TDRD9: variants seen among roughly 807,000 people sequenced by gnomAD.
The protein encoded by TDRD9 is ATP-dependent RNA helicase TDRD9.
In TDRD9, 124 loss-of-function variants were observed where a neutral mutation model predicts 172.6. That is an observed-to-expected ratio of 0.72 (90% confidence interval 0.62 to 0.83). The LOEUF (loss-of-function observed/expected upper bound fraction) is 0.83. Among genes scored for constraint, TDRD9 ranks in the 40% least tolerant of loss-of-function variants. The pLI, the probability that TDRD9 is intolerant of heterozygous loss-of-function variation, is 0.00. For synonymous variants in TDRD9, 619 were observed against 617.1 expected (o/e 1.00, Z -0.05); for missense variants, 1,479 against 1,714.1 (o/e 0.86, Z 2.42).
At chr14:103,965,310 G>T in intron 3 of TDRD9, 23 bp from the exon 4 acceptor site, 1 of 1,546,696 alleles carries the variant, frequency 6.5e-7, no homozygotes, top group East Asian at 2.4e-5. Flanking sequence ...TGCTGATTTT[G>T]AAAGAATTTT....
chr14:103,945,742 G>A (rs1041297323), intron 1 of TDRD9, among the ~76,000 whole-genome samples: 2 of 152,230 alleles, frequency 1.3e-5, no homozygotes, highest in Middle Eastern at 3.4e-3. Flanking sequence ...AAATAGGACC[G>A]TATCATGCAT....
At chr14:104,049,957 A>T in intron 35 of TDRD9, 1 of 376,134 alleles carries the variant, frequency 2.7e-6, no homozygotes, top group African/African-American at 2.1e-5. Flanking sequence ...TCTGGATTGA[A>T]CCTTCCTGCT....
chr14:104,011,391 A>G (rs752829488), intron 20 of TDRD9, among the ~76,000 whole-genome samples: 2 of 152,192 alleles, frequency 1.3e-5, no homozygotes, highest in Non-Finnish European at 2.9e-5. Flanking sequence ...AGATGTTGTT[A>G]TTGATACCAC....
chr14:104,038,342 G>A (rs2035512951), intron 32 of TDRD9, among the ~76,000 whole-genome samples: 1 of 152,230 alleles, frequency 6.6e-6, no homozygotes, highest in Admixed American at 6.5e-5. Flanking sequence ...GACTCTCACT[G>A]TTTAACTGGG....
chr14:103,946,965 A>T (rs889987329), intron 1 of TDRD9, among the ~76,000 whole-genome samples: 6 of 152,256 alleles, frequency 3.9e-5, no homozygotes, highest in African/African-American at 1.4e-4. Flanking sequence ...GTACTACACG[A>T]TGTGATCTAC....
intron 22 of TDRD9, among the ~76,000 whole-genome samples, 185 bp downstream of exon 22, chr14:104,016,273 A>G (rs953724143): frequency 6.6e-6 from 1 of 152,108 alleles, no homozygotes; most frequent in Non-Finnish European, 1.5e-5. Context: ...CTTGTCCCTC[A>G]GTCTCTTGCC....
intron 20 of TDRD9, among the ~76,000 whole-genome samples, chr14:104,012,748 AT>A (rs879679660): frequency 6.6e-6 from 1 of 151,574 alleles, no homozygotes; most frequent in Non-Finnish European, 1.5e-5. Context: ...GTTTATTTTT[AT>A]TTTTTAGAGA....
chr14:104,050,943 A>G (rs1367517369), intron 35 of TDRD9, among the ~76,000 whole-genome samples: 4 of 152,252 alleles, frequency 2.6e-5, no homozygotes, highest in Admixed American at 6.5e-5. Context: ...AAAGCTTGCC[A>G]TAGTATTAAT....
intron 1 of TDRD9, among the ~76,000 whole-genome samples, chr14:103,949,939 G>A (rs1168641818): frequency 6.6e-6 from 1 of 151,864 alleles, no homozygotes; most frequent in Non-Finnish European, 1.5e-5. Context: ...TCCTCCCAAA[G>A]TGCTGGGATT....
At position 104,024,574 on chromosome 14, in the gene TDRD9, A is replaced by G. The variant is rs776416055; in HGVS notation, c.2612A>G (p.Asn871Ser). The G allele has an allele frequency of 2.5e-6, 4 of 1,598,792 alleles. No individual in the cohort carries two copies. The highest frequency in any genetic ancestry group is 1.1e-5 in the South Asian group (1 of 88,644). The change falls in exon 25 of 36, where the codon AAT (asparagine) becomes AGT (serine). Residue 871 changes from asparagine (N) to serine (S), a missense_variant. Transcript: ENST00000409874. ...NVSKLRNTRV[N>S]VDFQKQTVDP... The stretch of plus-strand genomic sequence containing the variant: ...TAAAAATTCGTATTATGTAGGGTGA[A>G]TGTGGACTTCCAGAAGCAGACGGTA...
At chr14:103,993,039 C>T (rs1166977337) in intron 9 of TDRD9, among the ~76,000 whole-genome samples, 4 of 151,892 alleles carry the variant, frequency 2.6e-5, no homozygotes, top group Non-Finnish European at 4.4e-5. Flanking sequence ...GGTGTGACCC[C>T]GATCACTGCA....
chr14:104,042,973 G>A (rs2035653965), intron 34 of TDRD9, among the ~76,000 whole-genome samples: 1 of 151,916 alleles, frequency 6.6e-6, no homozygotes, highest in South Asian at 2.1e-4. Context: ...GGTGAGAAAG[G>A]CCAGTTTTAG....
chr14:103,959,899 A>C (rs931375051), intron 2 of TDRD9, among the ~76,000 whole-genome samples: 4 of 152,132 alleles, frequency 2.6e-5, no homozygotes, highest in Non-Finnish European at 5.9e-5. Flanking sequence ...CAACAATTTG[A>C]ATTTGTCCTG....
At chr14:103,972,828 A>G (rs1301744207) in intron 6 of TDRD9, among the ~76,000 whole-genome samples, 1 of 152,216 alleles carries the variant, frequency 6.6e-6, no homozygotes, top group Non-Finnish European at 1.5e-5. Flanking sequence ...ATGGAACTCG[A>G]CACTTGCAAT....
At chr14:104,028,372 A>C (rs1286218033) in intron 28 of TDRD9, among the ~76,000 whole-genome samples, 3 of 152,130 alleles carry the variant, frequency 2.0e-5, no homozygotes, top group East Asian at 3.9e-4. Context: ...TCTTTTTGAT[A>C]ATAGCCATTC....
chr14:104,051,929 C>A, intron 35 of TDRD9, 52 bp from the exon 36 acceptor site: 1 of 1,225,454 alleles, frequency 8.2e-7, no homozygotes, highest in South Asian at 1.3e-5. Context: ...TATTTTATGT[C>A]TGGAAAAGCC....
chr14:104,035,060 C>T lies in TDRD9; in HGVS notation c.3716+4C>T, dbSNP rs572284122. The T allele has an allele frequency of 1.4e-5, 21 of 1,550,122 alleles. No individual in the cohort carries two copies. The highest frequency in any genetic ancestry group is 6.8e-5 in the African/African-American group (5 of 73,102). On this transcript the variant is annotated splice_donor_region_variant and intron_variant, in intron 32 of 35. Coordinates refer to ENST00000409874, the MANE Select transcript of TDRD9 (RefSeq NM_153046.3). The stretch of plus-strand genomic sequence containing the variant: ...TCGCACCGGTGATAGAGTTAAGGTA[C>T]GGGCATCCCTCTTGTCTATAGGCTT...
chr14:103,969,128 C>A lies in TDRD9; in HGVS notation c.766-1413C>A, dbSNP rs1295891076. On this transcript the variant is annotated intron_variant, in intron 5 of 35. Transcript: ENST00000409874. ...AAAAAAAAGCAAAAAAAAAACCCCC[C>A]AAAAAAAACTAGCTTTAAGCAAATC... is the stretch of plus-strand genomic sequence containing the variant. Among the ~76,000 whole-genome samples, 350 of 147,016 alleles carry A rather than the reference C, an allele frequency of 2.4e-3. 4 individuals are homozygous for A. The highest frequency in any genetic ancestry group is 8.5e-3 in the African/African-American group (339 of 40,100).
intron 2 of TDRD9, among the ~76,000 whole-genome samples, chr14:103,956,149 T>TATATATATATATATATAA (rs1566738502): frequency 2.5e-4 from 26 of 102,040 alleles, no homozygotes; most frequent in Non-Finnish European, 3.9e-4. Flanking sequence ...TATATATATA[T>TATATATATATATATATAA]AATTATTAGG....
Sources: gnomAD v4.1 joint callset for allele counts (sites outside exome capture counted in the v4.1 genomes callset) on GRCh38, gnomAD v4.1.1 for gene constraint, MANE v1.5 for transcripts, NCBI Gene and HGNC (gene_info 2026-07-23, HGNC 2026-07-21) for gene names.